ZKSCAN5: variants seen among roughly 807,000 people sequenced by gnomAD.
The protein encoded by ZKSCAN5 is zinc finger protein with KRAB and SCAN domains 5.
In ZKSCAN5, 28 loss-of-function variants were observed where a neutral mutation model predicts 60.0. That is an observed-to-expected ratio of 0.47 (90% confidence interval 0.35 to 0.64). The LOEUF is 0.64. Among genes scored for constraint, ZKSCAN5 ranks in the 30% least tolerant of loss-of-function variants. The probability of loss-of-function intolerance (pLI) is 0.01; values close to 1 mark genes in which losing one functional copy is unlikely to be tolerated. For synonymous variants in ZKSCAN5, 361 were observed against 371.2 expected (o/e 0.97, Z 0.31); for missense variants, 881 against 1,034.6 (o/e 0.85, Z 2.04).
chr7:99,524,852 G>C (rs1801701442), intron 5 of ZKSCAN5, among the ~76,000 whole-genome samples: 1 of 152,096 alleles, frequency 6.6e-6, no homozygotes. Flanking sequence ...TGCATAACCT[G>C]CTATCCAGTT....
At chr7:99,525,389 T>A (rs1025165060) in intron 5 of ZKSCAN5, among the ~76,000 whole-genome samples, 4 of 151,732 alleles carry the variant, frequency 2.6e-5, no homozygotes, top group Non-Finnish European at 2.9e-5. Context: ...GGAGGATCGC[T>A]TGAGCCCAAG....
intron 2 of ZKSCAN5, among the ~76,000 whole-genome samples, chr7:99,511,964 GTA>G (rs1201727365): frequency 3.3e-5 from 5 of 152,026 alleles, no homozygotes; most frequent in Non-Finnish European, 5.9e-5. Flanking sequence ...TAATTTTTTT[GTA>G]TTTTTTTAGT....
chr7:99,533,878 T>C lies in ZKSCAN5; in HGVS notation c.*1629T>C, dbSNP rs1395251440. The C allele has an allele frequency of 2.9e-6, 1 of 348,450 alleles. No individual in the cohort carries two copies. The highest frequency in any genetic ancestry group is 2.1e-5 in the African/African-American group (1 of 47,530). 21.6% of individuals were successfully genotyped at this position (348,450 alleles called of 1,614,324 possible). On this transcript the variant is annotated 3_prime_UTR_variant, in exon 7 of 7. Transcript: ENST00000326775. ...CTTTAGAGAACCTGATCTAAGACATTTGGTGCCACAAGTGGTCATAGGAAG... is the reference window on the plus strand; with the variant it reads ...CTTTAGAGAACCTGATCTAAGACATCTGGTGCCACAAGTGGTCATAGGAAG...
At chr7:99,516,306 C>T (rs540112592) in intron 3 of ZKSCAN5, among the ~76,000 whole-genome samples, 85 of 152,272 alleles carry the variant, frequency 5.6e-4, no homozygotes, top group African/African-American at 1.9e-3. Context: ...AGATCCTAGC[C>T]GGTTTATTTT....
At position 99,531,956 on chromosome 7, in the gene ZKSCAN5, A is replaced by G. The variant is rs762581953; in HGVS notation, c.2227A>G (p.Lys743Glu). 3 of 1,614,216 alleles carry G rather than the reference A, an allele frequency of 1.9e-6. No individual in the cohort carries two copies. The South Asian group carries it at 3.3e-5, about 18-fold the overall frequency. The change falls in exon 7 of 7, where the codon AAG (lysine) becomes GAG (glutamate). Residue 743 changes from lysine (K) to glutamate (E), a missense_variant. Transcript: ENST00000326775. ...GCATTACAGAACTCATACAGCAGAGAAGCCCTATCAATGTGATATATGTAG... is the reference window on the plus strand; with the variant it reads ...GCATTACAGAACTCATACAGCAGAGGAGCCCTATCAATGTGATATATGTAG... Reference protein sequence around the residue: ...IQHYRTHTAEKPYQCDICREN... With the variant: ...IQHYRTHTAEEPYQCDICREN...
rs113541246 is a variant in ZKSCAN5 at position 99,523,582 on chromosome 7, G to A, written c.773-2231G>A. On this transcript the variant is annotated intron_variant, in intron 5 of 6. Transcript: ENST00000326775. ...GATTGTGCTGCTGTGTTCCAGCCTGGGTGACAGAGCAAGACCCAGTCTCAA... is the reference window on the plus strand; with the variant it reads ...GATTGTGCTGCTGTGTTCCAGCCTGAGTGACAGAGCAAGACCCAGTCTCAA... 7.3e-3 allele frequency among the ~76,000 whole-genome samples: 1,108 copies of A among 151,930 alleles called. 12 individuals carry two copies. Among genetic ancestry groups the A allele is most frequent in the African/African-American group, 0.025 (1,043 of 41,406 alleles).
chr7:99,514,836 G>A (rs1176549491), intron 3 of ZKSCAN5, among the ~76,000 whole-genome samples: 6 of 151,928 alleles, frequency 3.9e-5, no homozygotes, highest in East Asian at 1.9e-4. Flanking sequence ...GCTTGAACCC[G>A]GGAGTTGGAG....
chr7:99,511,433 T>C (rs1436288360), intron 2 of ZKSCAN5, among the ~76,000 whole-genome samples: 2 of 152,108 alleles, frequency 1.3e-5, no homozygotes, highest in Non-Finnish European at 2.9e-5. Context: ...CTGAGAATTT[T>C]GTTTTCTTTC....
chr7:99,529,676 C>T (rs1323848462), intron 6 of ZKSCAN5, among the ~76,000 whole-genome samples: 1 of 152,204 alleles, frequency 6.6e-6, no homozygotes, highest in African/African-American at 2.4e-5. Flanking sequence ...ATTTATCTCT[C>T]ACCAGCAATG....
chr7:99,507,506 T>A (rs1800801767), intron 2 of ZKSCAN5, among the ~76,000 whole-genome samples: 1 of 141,462 alleles, frequency 7.1e-6, no homozygotes, highest in African/African-American at 2.8e-5. Flanking sequence ...TATGTGTATA[T>A]ATATGTGTGT....
intron 5 of ZKSCAN5, among the ~76,000 whole-genome samples, chr7:99,524,126 A>C (rs1584194578): frequency 6.8e-6 from 1 of 146,744 alleles, no homozygotes; most frequent in Non-Finnish European, 1.5e-5. Context: ...ACTGGAGTGC[A>C]GTGGTGTGAT....
chr7:99,523,131 T>C (rs1405259657), intron 5 of ZKSCAN5, among the ~76,000 whole-genome samples: 1 of 122,208 alleles, frequency 8.2e-6, no homozygotes, highest in East Asian at 2.6e-4. Flanking sequence ...GCCATTGCAC[T>C]CCAGCCTAGG....
chr7:99,504,933 T>G (rs1489443385), intron 1 of ZKSCAN5, 200 bp downstream of exon 1: 1 of 152,922 alleles, frequency 6.5e-6, no homozygotes, highest in East Asian at 1.9e-4. Flanking sequence ...TCAGCCCAAC[T>G]CTGGAGGCCC....
chr7:99,512,260 G>A (rs1344530496), intron 2 of ZKSCAN5, among the ~76,000 whole-genome samples, 193 bp from the exon 3 acceptor site: 1 of 152,160 alleles, frequency 6.6e-6, no homozygotes, highest in Non-Finnish European at 1.5e-5. Flanking sequence ...GTGTTTTGAT[G>A]TGTTTGATGA....
chr7:99,512,318 A>G (rs1801070870), intron 2 of ZKSCAN5, 135 bp from the exon 3 acceptor site: 5 of 1,065,366 alleles, frequency 4.7e-6, no homozygotes, highest in South Asian at 1.8e-5. Context: ...GTAACTGCAT[A>G]ATCAGTGCGT....
At chr7:99,514,693 G>A (rs753587017) in intron 3 of ZKSCAN5, among the ~76,000 whole-genome samples, 2 of 152,042 alleles carry the variant, frequency 1.3e-5, no homozygotes, top group Non-Finnish European at 2.9e-5. Context: ...GATCACCTGA[G>A]GTCAGGAATT....
chr7:99,505,903 C>T, intron 1 of ZKSCAN5, 102 bp from the exon 2 acceptor site: 4 of 989,806 alleles, frequency 4.0e-6, no homozygotes, highest in Non-Finnish European at 5.9e-6. Context: ...ACCTCTTTGC[C>T]ATCTGTCTTT....
chr7:99,512,589 A>G lies in ZKSCAN5; in HGVS notation c.551A>G (p.Asn184Ser), dbSNP rs775189451. 1.9e-6 allele frequency: 3 copies of G among 1,613,680 alleles called. No individual in the cohort carries two copies. The highest frequency in any genetic ancestry group is 3.3e-5 in the Admixed American group (2 of 59,882). ...APQKPRLLEENALPVLQVPSL... is the reference protein window; with the variant it reads ...APQKPRLLEESALPVLQVPSL... ...CAGAAGCCTCGTCTCCTGGAGGAAA[A>G]TGGTGAGGCTCAGTGATTCAGTGGA... The change falls in exon 3 of 7, where the codon AAT becomes AGT. Residue 184 changes from asparagine to serine, a missense_variant and splice_region_variant. Asn to Ser is a conservative substitution (Grantham distance 46, BLOSUM62 1). Around this residue, in one of 5 missense-constraint regions of ZKSCAN5, gnomAD observed 490 missense variants for 554.5 expected, o/e 0.88. Transcript: ENST00000326775.
chr7:99,507,541 A>ATATATG (rs1800818655), intron 2 of ZKSCAN5, among the ~76,000 whole-genome samples: 2 of 142,078 alleles, frequency 1.4e-5, no homozygotes, highest in Admixed American at 7.0e-5. Context: ...GTATATATAT[A>ATATATG]TGTATATATA....
Sources: allele counts gnomAD v4.1 joint callset (sites outside exome capture counted in the v4.1 genomes callset), GRCh38; gene constraint gnomAD v4.1.1; regional missense constraint gnomAD v4.1.1; transcripts MANE v1.5; gene names NCBI Gene and HGNC (gene_info 2026-07-23, HGNC 2026-07-21).